Variants in LRRTM4 observed in about 807,000 individuals in gnomAD.
LRRTM4 encodes the protein leucine-rich repeat transmembrane neuronal protein 4.
Under a neutral mutation model 47.6 loss-of-function variants are expected in LRRTM4, and 25 were observed. That is an observed-to-expected ratio of 0.53 (90% CI 0.38 to 0.73). The LOEUF (loss-of-function observed/expected upper bound fraction) is 0.73. Among genes scored for constraint, LRRTM4 ranks in the 30% least tolerant of loss-of-function variants. The probability of loss-of-function intolerance (pLI) is 0.00; values close to 1 mark genes in which losing one functional copy is unlikely to be tolerated. For missense variants in LRRTM4, 638 were observed against 713.4 expected, an observed-to-expected ratio of 0.89 and a Z score of 1.20; for synonymous variants, 311 against 269.5, an observed-to-expected ratio of 1.15 and a Z score of -1.51.
At chr2:77,305,044 T>C (rs1029047538) in intron 3 of LRRTM4, among the ~76,000 whole-genome samples, 2 of 152,186 alleles carry the variant, frequency 1.3e-5, no homozygotes, top group East Asian at 3.9e-4. Context: ...GTCATGTATA[T>C]GTATGAGAAA....
intron 3 of LRRTM4, among the ~76,000 whole-genome samples, chr2:76,958,822 AT>A (rs1324314352): frequency 6.6e-6 from 1 of 151,726 alleles, no homozygotes; most frequent in African/African-American, 2.4e-5. Context: ...TATTTTTCAG[AT>A]TTTTAATTTT....
chr2:76,895,092 TTAG>T (rs565964430), intron 3 of LRRTM4, among the ~76,000 whole-genome samples: 1 of 151,988 alleles, frequency 6.6e-6, no homozygotes, highest in Non-Finnish European at 1.5e-5. Flanking sequence ...AAAGACAATC[TTAG>T]TAGAATAATC....
chr2:77,507,625 T>C (rs1258136979), intron 3 of LRRTM4, among the ~76,000 whole-genome samples: 1 of 151,890 alleles, frequency 6.6e-6, no homozygotes, highest in East Asian at 1.9e-4. Context: ...AAGTAACATT[T>C]CTCAGAAATT....
intron 3 of LRRTM4, chr2:77,516,514 G>C: frequency 1.5e-6 from 1 of 672,076 alleles, no homozygotes; most frequent in Non-Finnish European, 1.8e-6. Context: ...AATGCGTCTA[G>C]AATTTTCTTT....
chr2:77,401,772 C>CA (rs1673968561), intron 3 of LRRTM4, among the ~76,000 whole-genome samples: 2 of 151,826 alleles, frequency 1.3e-5, no homozygotes, highest in South Asian at 4.1e-4. Context: ...TTTTTGTATT[C>CA]AGAAGCAGCC....
intron 3 of LRRTM4, among the ~76,000 whole-genome samples, chr2:76,917,225 T>G (rs1674282237): frequency 6.6e-6 from 1 of 152,206 alleles, no homozygotes; most frequent in Non-Finnish European, 1.5e-5. Context: ...TTTTAAATCT[T>G]GGTTTACAAA....
chr2:77,112,633 CTTTT>C (rs34708943), intron 3 of LRRTM4, among the ~76,000 whole-genome samples: 1 of 145,938 alleles, frequency 6.9e-6, no homozygotes, highest in Non-Finnish European at 1.5e-5. Context: ...GTATAATAAG[CTTTT>C]TTTTTTGAGG....
chr2:77,345,846 A>T (rs936810833), intron 3 of LRRTM4, among the ~76,000 whole-genome samples: 5 of 151,776 alleles, frequency 3.3e-5, no homozygotes, highest in Admixed American at 1.3e-4. Context: ...GTGTATATAT[A>T]TATATACACA....
chr2:76,846,215 T>G (rs1002114908), intron 3 of LRRTM4, among the ~76,000 whole-genome samples: 4 of 152,184 alleles, frequency 2.6e-5, no homozygotes, highest in African/African-American at 9.6e-5. Flanking sequence ...ACCAGAGTGA[T>G]GTAAGCGAGA....
At chr2:76,893,899 A>C (rs563320353) in intron 3 of LRRTM4, among the ~76,000 whole-genome samples, 2 of 151,926 alleles carry the variant, frequency 1.3e-5, no homozygotes, top group Middle Eastern at 3.2e-3. Flanking sequence ...TATGTTTAAC[A>C]TCAGGAGAAA....
intron 3 of LRRTM4, among the ~76,000 whole-genome samples, chr2:77,360,002 CT>C (rs1244888722): frequency 1.3e-5 from 2 of 151,740 alleles, no homozygotes; most frequent in East Asian, 1.9e-4. Context: ...TCTCTGAATT[CT>C]TTTTTTTAAA....
chr2:77,180,334 GGTCT>G (rs1673314346), intron 3 of LRRTM4, among the ~76,000 whole-genome samples: 1 of 151,948 alleles, frequency 6.6e-6, no homozygotes, highest in Non-Finnish European at 1.5e-5. Context: ...CATCCCTGCT[GGTCT>G]GTCTAATATT....
At chr2:77,089,128 G>A (rs563113933) in intron 3 of LRRTM4, among the ~76,000 whole-genome samples, 7 of 152,012 alleles carry the variant, frequency 4.6e-5, no homozygotes, top group Non-Finnish European at 8.8e-5. Context: ...CACCCTTAGG[G>A]GCAAGTCCCG....
intron 3 of LRRTM4, among the ~76,000 whole-genome samples, chr2:76,943,981 G>A (rs769004182): frequency 6.6e-6 from 1 of 151,848 alleles, no homozygotes; most frequent in Non-Finnish European, 1.5e-5. Flanking sequence ...TTTTTTCATT[G>A]ATCTCCTAGA....
chr2:76,760,689 C>G (rs139242279), intron 3 of LRRTM4, among the ~76,000 whole-genome samples: 1 of 152,234 alleles, frequency 6.6e-6, no homozygotes, highest in Non-Finnish European at 1.5e-5. Flanking sequence ...TCACTTTAGC[C>G]ATTATCCTCA....
intron 3 of LRRTM4, among the ~76,000 whole-genome samples, chr2:76,934,774 GCTCA>G (rs1395393094): frequency 6.6e-6 from 1 of 152,140 alleles, no homozygotes; most frequent in Non-Finnish European, 1.5e-5. Flanking sequence ...AAAAGCAGAT[GCTCA>G]CTAAATCTTT....
At chr2:77,460,863 C>T (rs978661253) in intron 3 of LRRTM4, among the ~76,000 whole-genome samples, 1 of 152,046 alleles carries the variant, frequency 6.6e-6, no homozygotes, top group African/African-American at 2.4e-5. Flanking sequence ...AAGGCAGGTG[C>T]ATGTCAGTCA....
At chr2:77,357,180 A>G (rs370030642) in intron 3 of LRRTM4, among the ~76,000 whole-genome samples, 11 of 152,294 alleles carry the variant, frequency 7.2e-5, no homozygotes, top group Non-Finnish European at 1.0e-4. Context: ...ATTTAAATCG[A>G]CTTCATTTTT....
At chr2:76,770,891 T>A (rs531545092) in intron 3 of LRRTM4, among the ~76,000 whole-genome samples, 2 of 152,222 alleles carry the variant, frequency 1.3e-5, no homozygotes, top group South Asian at 4.1e-4. Context: ...CTGTGCTACA[T>A]GTTCCAAGAG....
Sources: allele counts gnomAD v4.1 joint callset (sites outside exome capture counted in the v4.1 genomes callset), GRCh38; gene constraint gnomAD v4.1.1; transcripts MANE v1.5; gene names NCBI Gene and HGNC (gene_info 2026-07-23, HGNC 2026-07-21).